The following GHRL variants were observed in gnomAD, a reference collection of about 807,000 sequenced individuals.
The protein encoded by GHRL is ghrelin and obestatin prepropeptide.
In GHRL, 24 loss-of-function variants were observed where a neutral mutation model predicts 16.9. The ratio of observed to expected loss-of-function variants is 1.42; its 90% confidence interval spans 1.03 to 2.00. The LOEUF is 2.00. Ranked by LOEUF, GHRL falls within the 30% of genes most tolerant of loss-of-function variation. The pLI, the probability that GHRL is intolerant of heterozygous loss-of-function variation, is 0.00. For synonymous variants in GHRL, 63 were observed against 58.2 expected (o/e 1.08, Z -0.37); for missense variants, 193 against 142.1 (o/e 1.36, Z -1.82).
chr3:10,287,482 G>GT (rs1699249001), intron 4 of GHRL: 1 of 153,734 alleles, frequency 6.5e-6, no homozygotes, highest in Non-Finnish European at 1.5e-5. Flanking sequence ...AAAGCTTTGG[G>GT]TAAGTGGGAA....
chr3:10,289,800 C>A lies in GHRL; in HGVS notation c.187G>T (p.Gly63Cys). 1 of 1,613,376 alleles carries A rather than the reference C, an allele frequency of 6.2e-7. No individual in the cohort carries two copies. The highest frequency in any genetic ancestry group is 8.5e-7 in the Non-Finnish European group (1 of 1,179,528). ...LAGWLRPEDG[G>C]QAEGAEDELE... is the part of the protein sequence containing the mutation. Reference sequence around the variant, plus strand: ...TCATCCTCTGCCCCTTCTGCTTGACCTCCATCTTCCGGGCGGAGCCAGCCT... The same window carrying A: ...TCATCCTCTGCCCCTTCTGCTTGACATCCATCTTCCGGGCGGAGCCAGCCT... Residue 63 changes from glycine (G) to cysteine (C), a missense_variant, in exon 4 of 6, where the codon GGT becomes TGT. Transcript: ENST00000335542.
Position 10,290,967 on chromosome 3 carries a change from G to A in GHRL, c.-281C>T, listed in dbSNP as rs532743489. On this transcript the variant is annotated 5_prime_UTR_variant, in exon 2 of 6. Coordinates refer to ENST00000335542, the MANE Select transcript of GHRL (RefSeq NM_016362.5). ...CCAGCTGTCCCTGGAACACGGTGGCGGGGTGCCCCAAGTGGGCATGGCCCT... is the reference window on the plus strand; with the variant it reads ...CCAGCTGTCCCTGGAACACGGTGGCAGGGTGCCCCAAGTGGGCATGGCCCT... 145 of 985,802 alleles carry A rather than the reference G, an allele frequency of 1.5e-4. No individual in the cohort carries two copies. The highest frequency in any genetic ancestry group is 1.0e-3 in the Middle Eastern group (2 of 1,916). 61.1% of individuals were successfully genotyped at this position (985,802 alleles called of 1,614,324 possible).
At chr3:10,291,670 T>A (rs1700037478) in intron 1 of GHRL, among the ~76,000 whole-genome samples, 1 of 152,212 alleles carries the variant, frequency 6.6e-6, no homozygotes, top group African/African-American at 2.4e-5. Flanking sequence ...ACTGCCTCAT[T>A]TCCCTCGGCC....
chr3:10,290,213 G>C lies in GHRL; in HGVS notation c.-29-4C>G, dbSNP rs1280559990. On this transcript the variant is annotated splice_polypyrimidine_tract_variant and splice_region_variant and intron_variant, in intron 2 of 5. Transcript: ENST00000335542. ...GCTGGGTTGCAGACAGGTGGGCCTG[G>C]GGGAGAGAGGGTCTCCAGGCAGCTG... The C allele has an allele frequency of 6.3e-7, 1 of 1,589,904 alleles. No homozygotes were observed. Among genetic ancestry groups the C allele is most frequent in the Admixed American group, 1.8e-5 (1 of 55,102 alleles).
At chr3:10,286,891 C>T in intron 4 of GHRL, 79 bp from the exon 5 acceptor site, 2 of 841,646 alleles carry the variant, frequency 2.4e-6, no homozygotes. Context: ...TCTGGGCTCT[C>T]TGCCTCTCTT....
chr3:10,286,025 G>A, intron 5 of GHRL, 131 bp from the exon 6 acceptor site: 2 of 791,788 alleles, frequency 2.5e-6, no homozygotes, highest in Non-Finnish European at 2.2e-6. Flanking sequence ...GGAGTCAGAG[G>A]GCGGCACTCA....
chr3:10,285,795 T>G lies in GHRL; in HGVS notation c.*80A>C. 9.3e-7 allele frequency: 1 copy of G among 1,080,158 alleles called. No individual in the cohort carries two copies. The highest frequency in any genetic ancestry group is 1.3e-5 in the South Asian group (1 of 79,868). The allele number at this position is 1,080,158 out of a possible 1,614,324, so 66.9% of individuals were successfully genotyped here. A position where few individuals can be genotyped will look rare whatever the true frequency, so the allele number is the denominator to read the frequency against. The stretch of plus-strand genomic sequence containing the variant: ...GCCTCCTGAGCTTGTACAACAGTCG[T>G]GGGAGTTGCTGCAGAAGCAAGCGAA... On this transcript the variant is annotated 3_prime_UTR_variant, in exon 6 of 6. Coordinates refer to ENST00000335542, the MANE Select transcript of GHRL (RefSeq NM_016362.5).
intron 4 of GHRL, 73 bp downstream of exon 4, chr3:10,289,689 C>G (rs937633197): frequency 6.5e-6 from 6 of 928,058 alleles, no homozygotes; most frequent in Non-Finnish European, 1.1e-5. Context: ...ACTGCCACCT[C>G]TCCCTGCCCT....
intron 4 of GHRL, among the ~76,000 whole-genome samples, chr3:10,289,052 A>G (rs756789970): frequency 1.3e-5 from 2 of 152,206 alleles, no homozygotes; most frequent in Non-Finnish European, 2.9e-5. Context: ...AATAGCTGCC[A>G]TTATTAAGTG....
rs1327678063 is a variant in GHRL at position 10,290,066 on chromosome 3, G to T, written c.108+7C>A. ...ACAACATGTGGGGCTTTGTGGGGAG[G>T]TCTCACCTGGACTCTCTGGTGTTCA... On this transcript the variant is annotated splice_region_variant and intron_variant, in intron 3 of 5. Coordinates refer to ENST00000335542, the MANE Select transcript of GHRL (RefSeq NM_016362.5). 10 of 1,611,146 alleles carry T rather than the reference G, an allele frequency of 6.2e-6. No homozygotes were observed. Among genetic ancestry groups the T allele is most frequent in the Non-Finnish European group, 8.5e-6 (10 of 1,178,986 alleles).
rs964378000 is a variant in GHRL at position 10,286,729 on chromosome 3, C to T, written c.309G>A (p.Gln103=). 3 of 1,608,498 alleles carry T rather than the reference C, an allele frequency of 1.9e-6. No individual in the cohort carries two copies. The highest frequency in any genetic ancestry group is 2.6e-6 in the Non-Finnish European group (3 of 1,174,944). ...QHSQALGKFL[Q]DILWEEAKEA... ...CTTTGGCCTCTTCCCAGAGGATGTC[C>T]TGAAGAAACTTCCCCAGGGCCTGGC... The change falls in exon 5 of 6, where the codon CAG becomes CAA. Residue 103 remains glutamine (Q), a synonymous_variant. Transcript: ENST00000335542.
intron 1 of GHRL, among the ~76,000 whole-genome samples, chr3:10,291,713 C>T (rs1160521315): frequency 6.6e-6 from 1 of 152,240 alleles, no homozygotes; most frequent in African/African-American, 2.4e-5. Context: ...AGTGCTTCAT[C>T]CAACTGGGTG....
intron 2 of GHRL, 80 bp from the exon 3 acceptor site, chr3:10,290,289 T>C (rs2125214977): frequency 3.6e-6 from 5 of 1,392,764 alleles, no homozygotes; most frequent in South Asian, 1.3e-5. Context: ...GCCCAGCAGA[T>C]GGCGTGAAGG....
At chr3:10,286,131 C>T (rs964117942) in intron 5 of GHRL, among the ~76,000 whole-genome samples, 28 of 152,312 alleles carry the variant, frequency 1.8e-4, no homozygotes, top group African/African-American at 6.7e-4. Context: ...CTGCTGTTCC[C>T]CAGGGGTGAC....
intron 4 of GHRL, chr3:10,287,914 ATTTTTT>A (rs1014353877): frequency 2.6e-5 from 2 of 76,782 alleles, no homozygotes; most frequent in African/African-American, 8.6e-5. Flanking sequence ...ACATGATTGA[ATTTTTT>A]TTTTTTTTTT....
At chr3:10,286,640 A>G in intron 5 of GHRL, 64 bp downstream of exon 5, 1 of 846,658 alleles carries the variant, frequency 1.2e-6, no homozygotes, top group South Asian at 1.4e-5. Flanking sequence ...CTCATCACCC[A>G]CAGAGTGAAC....
intron 1 of GHRL, 93 bp downstream of exon 1, chr3:10,292,749 A>G: frequency 2.7e-6 from 2 of 742,600 alleles, no homozygotes; most frequent in South Asian, 1.6e-5. Flanking sequence ...CAGCTTTTTC[A>G]GAGCCACCAA....
Position 10,287,913 on chromosome 3 carries a change from A to ATTTTTTTTT in GHRL, c.226-1102_226-1101insAAAAAAAAA, listed in dbSNP as rs1576049089. The ATTTTTTTTT allele has an allele frequency of 8.0e-5, 7 of 87,952 alleles. 3 individuals carry two copies. Among genetic ancestry groups the ATTTTTTTTT allele is most frequent in the South Asian group, 7.8e-4 (2 of 2,572 alleles). The allele number at this position is 87,952 out of a possible 1,614,324, so 5.4% of individuals were successfully genotyped here. ...GACCCAGTGGGGAATGACATGATTG[A>ATTTTTTTTT]ATTTTTTTTTTTTTTTTTTTTTTTT... On this transcript the variant is annotated intron_variant, in intron 4 of 5. Transcript: ENST00000335542.
At chr3:10,286,853 T>G (rs1559471672) in intron 4 of GHRL, 41 bp from the exon 5 acceptor site, 1 of 1,173,274 alleles carries the variant, frequency 8.5e-7, no homozygotes, top group Non-Finnish European at 1.3e-6. Context: ...ATGTCAGAGG[T>G]CATGCCCATC....
Sources: allele counts gnomAD v4.1 joint callset (sites outside exome capture counted in the v4.1 genomes callset), GRCh38; gene constraint gnomAD v4.1.1; transcripts MANE v1.5; gene names NCBI Gene and HGNC (gene_info 2026-07-23, HGNC 2026-07-21).